THSD7B: variants seen among roughly 807,000 people sequenced by gnomAD.
THSD7B encodes thrombospondin type-1 domain-containing protein 7B.
THSD7B carries 138 observed loss-of-function variants against 213.6 expected under a neutral mutation model. The ratio of observed to expected loss-of-function variants is 0.65; its 90% CI spans 0.56 to 0.74. The LOEUF is 0.74. THSD7B is among the 30% of genes least tolerant of loss of function. The probability of loss-of-function intolerance (pLI) is 0.00; values close to 1 mark genes in which losing one functional copy is unlikely to be tolerated. For synonymous variants in THSD7B, 742 were observed against 687.0 expected (o/e 1.08, Z -1.25); for missense variants, 1,931 against 1,991.5 (o/e 0.97, Z 0.58).
intron 3 of THSD7B, among the ~76,000 whole-genome samples, chr2:137,083,353 G>A (rs1402186491): frequency 6.6e-6 from 1 of 151,896 alleles, no homozygotes; most frequent in South Asian, 2.1e-4. Context: ...TTATTTTTTG[G>A]TAGTTTAAAA....
At chr2:137,181,662 G>T (rs1213263698) in intron 7 of THSD7B, among the ~76,000 whole-genome samples, 5 of 152,120 alleles carry the variant, frequency 3.3e-5, no homozygotes, top group Admixed American at 6.6e-5. Context: ...TGGACCATCT[G>T]CTGCCACTTT....
At chr2:137,299,375 G>T (rs1259175578) in intron 12 of THSD7B, among the ~76,000 whole-genome samples, 1 of 152,090 alleles carries the variant, frequency 6.6e-6, no homozygotes, top group African/African-American at 2.4e-5. Context: ...TCTCAGATGA[G>T]ACTTTGGACT....
intron 1 of THSD7B, among the ~76,000 whole-genome samples, chr2:136,855,063 G>A (rs1030890683): frequency 5.9e-5 from 9 of 152,132 alleles, no homozygotes; most frequent in African/African-American, 2.2e-4. Context: ...TGGATTTGTG[G>A]TTCCTTCTGC....
chr2:136,873,135 TC>T (rs1338800386), intron 1 of THSD7B, among the ~76,000 whole-genome samples: 1 of 151,260 alleles, frequency 6.6e-6, no homozygotes, highest in African/African-American at 2.4e-5. Context: ...TTTCAATCCC[TC>T]TTTTTATCTG....
At chr2:137,052,230 C>G (rs1049082771) in intron 2 of THSD7B, among the ~76,000 whole-genome samples, 4 of 152,098 alleles carry the variant, frequency 2.6e-5, no homozygotes, top group African/African-American at 9.7e-5. Context: ...ATTCCTCTCA[C>G]AAAAAGGGTA....
At chr2:137,398,522 C>A (rs1316341479) in intron 12 of THSD7B, among the ~76,000 whole-genome samples, 2 of 151,918 alleles carry the variant, frequency 1.3e-5, no homozygotes, top group Non-Finnish European at 2.9e-5. Context: ...TCTACCCGTT[C>A]TCAGATCTCC....
At chr2:136,820,054 G>A (rs78561529) in intron 1 of THSD7B, among the ~76,000 whole-genome samples, 3,044 of 152,088 alleles carry the variant, frequency 0.02, 99 homozygotes, top group African/African-American at 0.068. Flanking sequence ...AGAAGCACAC[G>A]CATTCCTCTG....
rs1373638956 is a variant in THSD7B, at chr2:137,242,532, T to C, written c.2226T>C (p.Ala742=). The change falls in exon 10 of 28, where the codon GCT becomes GCC. Residue 742 remains alanine (A), a synonymous_variant. Transcript: ENST00000409968. ...GCAAAAAAGACTGTATTGTGACTGC[T>C]TTCAGTGAGTGGACACCCTGCCCAA... ...LPCKKDCIVT[A]FSEWTPCPRM... is the part of the protein sequence containing the mutation. The C allele has an allele frequency of 6.2e-7, 1 of 1,613,902 alleles. No individual in the cohort carries two copies. The highest frequency in any genetic ancestry group is 8.5e-7 in the Non-Finnish European group (1 of 1,179,816).
chr2:136,864,889 A>G (rs971520311), intron 1 of THSD7B, among the ~76,000 whole-genome samples: 1 of 152,232 alleles, frequency 6.6e-6, no homozygotes, highest in African/African-American at 2.4e-5. Flanking sequence ...ATATGGCTAC[A>G]TAATACTCCA....
At position 137,667,794 on chromosome 2, in the gene THSD7B, G is replaced by A; in HGVS notation, c.4672G>A (p.Val1558Ile). ...AACAGATGGCCGAGTAAAAATTTGG[G>A]TTTATGGCGTTTCAGGTGGCGCTTT... Reference protein sequence around the residue: ...LDPDGRVKIWVYGVSGGAFLI... With the variant: ...LDPDGRVKIWIYGVSGGAFLI... The change falls in exon 27 of 28, where the codon GTT becomes ATT. Residue 1558 changes from valine (V) to isoleucine (I), a missense_variant. Coordinates refer to ENST00000409968, the MANE Select transcript of THSD7B (RefSeq NM_001316349.2). 1 of 1,605,884 alleles carries A rather than the reference G, an allele frequency of 6.2e-7. No homozygotes were observed. Among genetic ancestry groups the A allele is most frequent in the Non-Finnish European group, 8.5e-7 (1 of 1,175,650 alleles).
At chr2:137,403,708 C>T (rs1230084360) in intron 12 of THSD7B, among the ~76,000 whole-genome samples, 1 of 152,194 alleles carries the variant, frequency 6.6e-6, no homozygotes, top group Non-Finnish European at 1.5e-5. Flanking sequence ...GAAGTGGTAC[C>T]ATGGAATCTG....
chr2:137,609,949 G>A (rs1682257744), intron 17 of THSD7B, among the ~76,000 whole-genome samples: 1 of 152,052 alleles, frequency 6.6e-6, no homozygotes, highest in African/African-American at 2.4e-5. Flanking sequence ...TGGGTTGTAA[G>A]GTGTAAGAAA....
chr2:137,326,187 A>G (rs1483499127), intron 12 of THSD7B, among the ~76,000 whole-genome samples: 2 of 152,208 alleles, frequency 1.3e-5, no homozygotes, highest in African/African-American at 2.4e-5. Context: ...CATAGCTTCT[A>G]TCGAGACCCA....
chr2:137,318,786 C>CTTTTTTTTTTTT (rs70978212), intron 12 of THSD7B, among the ~76,000 whole-genome samples: 1 of 73,660 alleles, frequency 1.4e-5, no homozygotes, highest in African/African-American at 6.2e-5. Context: ...GAATGCTTAT[C>CTTTTTTTTTTTT]TTTTTTTTTT....
chr2:137,519,890 CAT>C (rs1026502913), intron 15 of THSD7B, among the ~76,000 whole-genome samples: 3 of 152,098 alleles, frequency 2.0e-5, no homozygotes, highest in African/African-American at 7.2e-5. Flanking sequence ...TAAAAGGAAA[CAT>C]ATCTCAGAGA....
chr2:136,884,977 A>T (rs1475185386), intron 2 of THSD7B, among the ~76,000 whole-genome samples: 1 of 152,208 alleles, frequency 6.6e-6, no homozygotes, highest in Non-Finnish European at 1.5e-5. Context: ...CTTTGAAGAC[A>T]ACATCAACAT....
At chr2:137,393,050 C>T (rs937742398) in intron 12 of THSD7B, among the ~76,000 whole-genome samples, 2 of 151,708 alleles carry the variant, frequency 1.3e-5, no homozygotes, top group African/African-American at 2.4e-5. Context: ...CGAGTTTCCT[C>T]AATATTTGCT....
rs367745059 is a variant in THSD7B, at chr2:137,094,920, T to C, written c.998T>C (p.Met333Thr). The C allele has an allele frequency of 3.2e-5, 51 of 1,613,782 alleles. No homozygotes were observed. Among genetic ancestry groups the C allele is most frequent in the Non-Finnish European group, 4.2e-5 (50 of 1,179,842 alleles). Residue 333 changes from methionine to threonine, a missense_variant, in exon 4 of 28, where the codon ATG becomes ACG. Transcript: ENST00000409968. Reference sequence around the variant, plus strand: ...CCATTGACTGTTCAGTCCTGCATCATGCCCAAAGACTGTGAAACCTCCCAG... The same window carrying C: ...CCATTGACTGTTCAGTCCTGCATCACGCCCAAAGACTGTGAAACCTCCCAG... ...SFPLTVQSCIMPKDCETSQWS... is the reference protein window; with the variant it reads ...SFPLTVQSCITPKDCETSQWS...
intron 12 of THSD7B, among the ~76,000 whole-genome samples, chr2:137,389,331 T>C (rs548942784): frequency 8.1e-5 from 12 of 148,456 alleles, no homozygotes; most frequent in Admixed American, 7.4e-4. Flanking sequence ...TTTTTCAATA[T>C]ACCTCTTGGC....
Sources: gnomAD v4.1 joint callset for allele counts (sites outside exome capture counted in the v4.1 genomes callset) on GRCh38, gnomAD v4.1.1 for gene constraint, MANE v1.5 for transcripts, NCBI Gene and HGNC (gene_info 2026-07-23, HGNC 2026-07-21) for gene names.